Variants in SPATS2 observed in about 807,000 individuals in gnomAD.
The protein encoded by SPATS2 is spermatogenesis-associated serine-rich protein 2.
A neutral mutation model predicts 63.7 loss-of-function variants in SPATS2; 38 were observed. The ratio of observed to expected loss-of-function variants is 0.60; its 90% CI spans 0.46 to 0.78. The LOEUF is 0.78. SPATS2 is among the 30% of genes least tolerant of loss of function. The pLI is 0.00. For synonymous variants in SPATS2, 207 were observed against 232.9 expected (o/e 0.89, Z 1.01); for missense variants, 588 against 666.2 (o/e 0.88, Z 1.29).
At chr12:49,427,081 T>C (rs1945093452) in intron 2 of SPATS2, among the ~76,000 whole-genome samples, 1 of 152,134 alleles carries the variant, frequency 6.6e-6, no homozygotes, top group African/African-American at 2.4e-5. Flanking sequence ...ATTTTTATAC[T>C]CCCACTAGCA....
chr12:49,408,454 T>C (rs570993038), intron 2 of SPATS2, among the ~76,000 whole-genome samples: 2 of 152,024 alleles, frequency 1.3e-5, no homozygotes, highest in Admixed American at 6.6e-5. Context: ...GGTTTTGCCA[T>C]GTTGGCCAGG....
chr12:49,520,962 A>T (rs1946931920), intron 11 of SPATS2, among the ~76,000 whole-genome samples: 1 of 151,664 alleles, frequency 6.6e-6, no homozygotes, highest in Non-Finnish European at 1.5e-5. Context: ...CAAGTGATGC[A>T]CTCATCTTGG....
intron 2 of SPATS2, among the ~76,000 whole-genome samples, chr12:49,459,685 GTGCCTC>G (rs1565732776): frequency 2.1e-5 from 3 of 143,180 alleles, no homozygotes; most frequent in African/African-American, 8.0e-5. Flanking sequence ...GCTGTTCTTC[GTGCCTC>G]TAAGTCCATT....
At chr12:49,454,004 A>G (rs1268947698) in intron 2 of SPATS2, among the ~76,000 whole-genome samples, 1 of 151,722 alleles carries the variant, frequency 6.6e-6, no homozygotes, top group African/African-American at 2.4e-5. Context: ...CTGGGACTAC[A>G]GGCTCCCGCC....
chr12:49,484,115 A>T (rs1946250448), intron 3 of SPATS2, among the ~76,000 whole-genome samples: 1 of 152,226 alleles, frequency 6.6e-6, no homozygotes, highest in Non-Finnish European at 1.5e-5. Flanking sequence ...TATATTAGGG[A>T]CACACACATG....
intron 2 of SPATS2, among the ~76,000 whole-genome samples, chr12:49,418,108 GTTTTTTTTTTTT>G (rs760281633): frequency 1.3e-5 from 1 of 76,060 alleles, no homozygotes; most frequent in Non-Finnish European, 2.4e-5. Flanking sequence ...AAATGACTCA[GTTTTTTTTTTTT>G]TTTTTTTTTT....
intron 2 of SPATS2, among the ~76,000 whole-genome samples, chr12:49,427,427 C>T (rs1023603731): frequency 1.3e-5 from 2 of 152,126 alleles, no homozygotes; most frequent in Admixed American, 6.5e-5. Context: ...AGTTTATTCT[C>T]TTGTTAATGG....
rs544184762 is a variant in SPATS2 at position 49,429,790 on chromosome 12, T to C, written c.-243-30980T>C. On this transcript the variant is annotated intron_variant, in intron 2 of 13. Coordinates refer to ENST00000552918, the MANE Select transcript of SPATS2 (RefSeq NM_023071.4). ...GGTCTTTCTCTTCTTCTTCTTCTTT[T>C]TTTTTTTTTTTTGAGAGTCTCACTC... 2.2e-3 allele frequency among the ~76,000 whole-genome samples: 329 copies of C among 148,302 alleles called. 1 individual carries two copies. Among genetic ancestry groups the C allele is most frequent in the African/African-American group, 7.7e-3 (312 of 40,412 alleles).
chr12:49,378,342 G>A (rs564113892), intron 2 of SPATS2, among the ~76,000 whole-genome samples: 130 of 151,238 alleles, frequency 8.6e-4, no homozygotes, highest in African/African-American at 3.0e-3. Flanking sequence ...CTGTCACCCA[G>A]GCTGGAGTGC....
intron 9 of SPATS2, among the ~76,000 whole-genome samples, chr12:49,501,452 T>G (rs1224984174): frequency 3.3e-5 from 5 of 152,120 alleles, no homozygotes; most frequent in Non-Finnish European, 7.3e-5. Context: ...CCTAATCATC[T>G]CTTAAAGGTC....
intron 2 of SPATS2, among the ~76,000 whole-genome samples, chr12:49,435,551 C>G (rs1184158355): frequency 2.6e-5 from 4 of 151,304 alleles, no homozygotes; most frequent in African/African-American, 4.9e-5. Flanking sequence ...GTCTGGAACT[C>G]CTGAGCTCAA....
At chr12:49,403,900 G>T (rs138379153) in intron 2 of SPATS2, among the ~76,000 whole-genome samples, 5 of 152,266 alleles carry the variant, frequency 3.3e-5, no homozygotes, top group African/African-American at 7.2e-5. Context: ...GTTCTGGGAA[G>T]GGAGAGTAAA....
chr12:49,515,218 A>G (rs894504112), intron 10 of SPATS2, among the ~76,000 whole-genome samples: 1 of 152,182 alleles, frequency 6.6e-6, no homozygotes, highest in Non-Finnish European at 1.5e-5. Flanking sequence ...ACAGATACCT[A>G]TTTTTTGATC....
rs895062334 is a variant in SPATS2 at position 49,433,161 on chromosome 12, C to CTTGTT, written c.-243-27592_-243-27588dup. ...GGTTCAAGGTGTTAACTCATTGTGT[C>CTTGTT]TTGTTTTGTTTTGTTTTGTTTGAGA... On this transcript the variant is annotated intron_variant, in intron 2 of 13. Coordinates refer to ENST00000552918, the MANE Select transcript of SPATS2 (RefSeq NM_023071.4). Among the ~76,000 whole-genome samples, 8 of 152,010 alleles carry CTTGTT rather than the reference C, an allele frequency of 5.3e-5. No individual in the cohort carries two copies. The South Asian group carries it at 6.2e-4, about 12-fold the overall frequency.
At chr12:49,513,010 T>A in intron 9 of SPATS2, 2 of 927,222 alleles carry the variant, frequency 2.2e-6, no homozygotes, top group South Asian at 2.9e-5. Context: ...TTTGTTTAGT[T>A]ACAAGTCTGT....
intron 2 of SPATS2, among the ~76,000 whole-genome samples, chr12:49,450,636 C>T (rs575818670): frequency 3.3e-5 from 5 of 151,884 alleles, no homozygotes; most frequent in African/African-American, 9.7e-5. Flanking sequence ...CTCTGCCTCC[C>T]AGGTTCAAGC....
intron 2 of SPATS2, among the ~76,000 whole-genome samples, chr12:49,448,863 C>G (rs1945565248): frequency 6.6e-6 from 1 of 151,882 alleles, no homozygotes. Context: ...TTGGGAATTT[C>G]TTATGATCTA....
chr12:49,458,496 T>C (rs2137660781), intron 2 of SPATS2, among the ~76,000 whole-genome samples: 1 of 151,712 alleles, frequency 6.6e-6, no homozygotes, highest in South Asian at 2.1e-4. Flanking sequence ...AAAAAAAATA[T>C]TGGCCAGGAG....
At chr12:49,453,493 A>G (rs1160772718) in intron 2 of SPATS2, among the ~76,000 whole-genome samples, 1 of 151,970 alleles carries the variant, frequency 6.6e-6, no homozygotes, top group East Asian at 1.9e-4. Context: ...CTCAGTTTTT[A>G]TACATATTTT....
Sources: allele counts gnomAD v4.1 joint callset (sites outside exome capture counted in the v4.1 genomes callset), GRCh38; gene constraint gnomAD v4.1.1; transcripts MANE v1.5; gene names NCBI Gene and HGNC (gene_info 2026-07-23, HGNC 2026-07-21).